IGSF10: variants seen among roughly 807,000 people sequenced by gnomAD.
IGSF10 encodes calvaria mechanical force protein 608.
A neutral mutation model predicts 128.2 loss-of-function variants in IGSF10; 126 were observed. That is an observed-to-expected ratio of 0.98 (90% CI 0.85 to 1.14). The LOEUF is 1.14. IGSF10 is among the 50% of genes most tolerant of loss of function. IGSF10 has a pLI of 0.00. For synonymous variants in IGSF10, 1,185 were observed against 1,146.2 expected (o/e 1.03, Z -0.68); for missense variants, 3,295 against 3,149.8 (o/e 1.05, Z -1.10).
the IGSF10 span, among the ~76,000 whole-genome samples, chr3:151,497,881 G>A: frequency 6.6e-6 from 1 of 152,272 alleles, no homozygotes; most frequent in Admixed American, 6.5e-5. Context: ...TCTCCTTGAA[G>A]AGGTCCTCCA....
the IGSF10 span, among the ~76,000 whole-genome samples, chr3:151,548,740 T>A: frequency 6.6e-6 from 1 of 152,042 alleles, no homozygotes; most frequent in Admixed American, 6.5e-5. Flanking sequence ...TTTTTTAATT[T>A]AATTTTTATT....
the IGSF10 span, among the ~76,000 whole-genome samples, chr3:151,578,287 A>G: frequency 2.6e-5 from 4 of 152,212 alleles, no homozygotes; most frequent in Non-Finnish European, 2.9e-5. Flanking sequence ...CCAGATAGTA[A>G]TAGTAAATAT....
chr3:151,458,637 C>G lies in IGSF10; in HGVS notation c.73G>C (p.Gly25Arg). ...FAVICLVATP[G>R]GKACPRRCAC... Reference sequence around the variant, plus strand: ...CAGCGGCGAGGACAGGCCTTGCCCCCAGGGGTGGCGACCAGGCAGATCACA... The same window carrying G: ...CAGCGGCGAGGACAGGCCTTGCCCCGAGGGGTGGCGACCAGGCAGATCACA... The change falls in exon 3 of 8, where the codon GGG (glycine) becomes CGG (arginine). Residue 25 changes from glycine to arginine, a missense_variant. By Grantham distance (125) the Gly-to-Arg change is moderately radical. Transcript: ENST00000282466. The G allele has an allele frequency of 6.2e-7, 1 of 1,614,180 alleles. No individual in the cohort carries two copies. The highest frequency in any genetic ancestry group is 8.5e-7 in the Non-Finnish European group (1 of 1,180,024).
the IGSF10 span, among the ~76,000 whole-genome samples, chr3:151,504,785 G>C: frequency 6.6e-6 from 1 of 152,180 alleles, no homozygotes; most frequent in African/African-American, 2.4e-5. Flanking sequence ...CCAACTGTTC[G>C]TGTTCAAGTA....
Position 151,440,606 on chromosome 3 carries a change from C to T in IGSF10, c.5964-2009G>A, listed in dbSNP as rs1049845739. On this transcript the variant is annotated intron_variant, in intron 7 of 7. Transcript: ENST00000282466. Reference sequence around the variant, plus strand: ...TCACAGGGCTGGTTCTCAAGCCTTACGCTTTCCACCATGCTATACTGGCAT... The same window carrying T: ...TCACAGGGCTGGTTCTCAAGCCTTATGCTTTCCACCATGCTATACTGGCAT... 18 of 456,576 alleles carry T rather than the reference C, an allele frequency of 3.9e-5. 1 individual carries two copies. The highest frequency in any genetic ancestry group is 6.2e-5 in the South Asian group (4 of 64,578). 28.3% of individuals were successfully genotyped at this position (456,576 alleles called of 1,614,324 possible). A position where few individuals can be genotyped will look rare whatever the true frequency, so the allele number is the denominator to read the frequency against.
At chr3:151,566,370 C>T in the IGSF10 span, among the ~76,000 whole-genome samples, 2 of 152,132 alleles carry the variant, frequency 1.3e-5, no homozygotes, top group African/African-American at 4.8e-5. Context: ...TTGTTGGGTT[C>T]TACTTAATAA....
the IGSF10 span, among the ~76,000 whole-genome samples, chr3:151,531,580 G>C: frequency 6.6e-6 from 1 of 152,154 alleles, no homozygotes; most frequent in Non-Finnish European, 1.5e-5. Flanking sequence ...GTTCCTGAAT[G>C]ACTACTGGTA....
upstream of IGSF10, among the ~76,000 whole-genome samples, chr3:151,463,542 T>TTTTTG (rs1722158046): frequency 8.8e-6 from 1 of 113,100 alleles, no homozygotes; most frequent in Non-Finnish European, 1.7e-5. Flanking sequence ...TTTTTTTTTT[T>TTTTTG]TTTTTTTTTT....
the IGSF10 span, among the ~76,000 whole-genome samples, chr3:151,533,232 AG>A: frequency 6.6e-6 from 1 of 152,210 alleles, no homozygotes; most frequent in Non-Finnish European, 1.5e-5. Flanking sequence ...ATGGCCATAC[AG>A]GCCAAAGTAA....
At chr3:151,467,900 GAAAA>G in the IGSF10 span, among the ~76,000 whole-genome samples, 9 of 149,596 alleles carry the variant, frequency 6.0e-5, no homozygotes, top group Non-Finnish European at 1.2e-4. Flanking sequence ...AAAGAAAAAA[GAAAA>G]AAGAAAAAAA....
At chr3:151,555,164 C>T in the IGSF10 span, among the ~76,000 whole-genome samples, 1 of 152,068 alleles carries the variant, frequency 6.6e-6, no homozygotes, top group Non-Finnish European at 1.5e-5. Flanking sequence ...AGTGACAAAA[C>T]GTGTAAAACT....
chr3:151,561,754 T>C, the IGSF10 span, among the ~76,000 whole-genome samples: 1 of 152,110 alleles, frequency 6.6e-6, no homozygotes, highest in African/African-American at 2.4e-5. Flanking sequence ...GAGGTATACA[T>C]ATCTCTGGTA....
At chr3:151,503,712 T>C in the IGSF10 span, among the ~76,000 whole-genome samples, 1 of 152,158 alleles carries the variant, frequency 6.6e-6, no homozygotes, top group African/African-American at 2.4e-5. Context: ...GCACGCCAAA[T>C]TGGCTAAATG....
chr3:151,442,260 G>A (rs1269494775), intron 7 of IGSF10, among the ~76,000 whole-genome samples: 4 of 151,896 alleles, frequency 2.6e-5, no homozygotes, highest in African/African-American at 7.3e-5. Flanking sequence ...TTAAAATGTC[G>A]AATAGGGGAC....
the IGSF10 span, among the ~76,000 whole-genome samples, chr3:151,547,862 A>G: frequency 6.6e-6 from 1 of 152,210 alleles, no homozygotes; most frequent in Non-Finnish European, 1.5e-5. Context: ...TTTCCTTCAT[A>G]TTTTAATGGC....
rs373437061 is a variant in IGSF10 at position 151,443,784 on chromosome 3, G to C, written c.5163C>G (p.Tyr1721Ter). 3.0e-5 allele frequency: 48 copies of C among 1,614,136 alleles called. No individual in the cohort carries two copies. The African/African-American group carries it at 6.0e-4, about 20-fold the overall frequency. The change falls in exon 7 of 8, where the codon TAC becomes TAG. Residue 1721 changes from tyrosine (Y) to a stop codon, truncating the protein, a stop_gained. Coordinates refer to ENST00000282466, the MANE Select transcript of IGSF10 (RefSeq NM_178822.5). LOFTEE classifies it high-confidence loss of function. ...QRVEIQDRGQ[Y>*]LCSASNLFGT... ...CAAACAGATTGGATGCGGAACACAA[G>C]TACTGTCCGCGGTCCTGAATTTCCA...
At chr3:151,519,993 A>T in the IGSF10 span, among the ~76,000 whole-genome samples, 1 of 151,856 alleles carries the variant, frequency 6.6e-6, no homozygotes, top group Non-Finnish European at 1.5e-5. Flanking sequence ...AGTCCTAAAG[A>T]GTATAAAGTG....
chr3:151,551,225 C>T, the IGSF10 span, among the ~76,000 whole-genome samples: 1 of 152,138 alleles, frequency 6.6e-6, no homozygotes, highest in Non-Finnish European at 1.5e-5. Context: ...CCCTTTGATG[C>T]ATACTTATAA....
rs747177520 is a variant in IGSF10 at position 151,446,039 on chromosome 3, C to T, written c.3942G>A (p.Thr1314=). 4.3e-6 allele frequency: 7 copies of T among 1,614,024 alleles called. No individual in the cohort carries two copies. The highest frequency in any genetic ancestry group is 2.2e-5 in the East Asian group (1 of 44,882). ...KDSSTKSIIS[T]QTAIPATTPT... Reference sequence around the variant, plus strand: ...GAGTTGTTGCTGGTATTGCTGTTTGCGTTGATATGATGCTTTTTGTACTTG... The same window carrying T: ...GAGTTGTTGCTGGTATTGCTGTTTGTGTTGATATGATGCTTTTTGTACTTG... Residue 1314 remains threonine, a synonymous_variant, in exon 6 of 8, where the codon ACG becomes ACA. Coordinates refer to ENST00000282466, the MANE Select transcript of IGSF10 (RefSeq NM_178822.5).
Sources: allele counts gnomAD v4.1 joint callset (sites outside exome capture counted in the v4.1 genomes callset), GRCh38; gene constraint gnomAD v4.1.1; transcripts MANE v1.5; gene names NCBI Gene and HGNC (gene_info 2026-07-23, HGNC 2026-07-21).